Variants in TRPM2 observed in about 807,000 individuals in gnomAD.
TRPM2 encodes estrogen-responsive element-associated gene 1 protein.
A neutral mutation model predicts 174.0 loss-of-function variants in TRPM2; 161 were observed. The observed-to-expected ratio is 0.93, with a 90% CI of 0.81 to 1.05. TRPM2 has a LOEUF of 1.05. Among genes scored for constraint, TRPM2 ranks in the 50% least tolerant of loss-of-function variants. The pLI is 0.00. For synonymous variants in TRPM2, 954 were observed against 861.3 expected (o/e 1.11, Z -1.88); for missense variants, 2,057 against 2,038.0 (o/e 1.01, Z -0.18).
intron 19 of TRPM2, among the ~76,000 whole-genome samples, chr21:44,413,225 T>C (rs1485784187): frequency 1.4e-5 from 2 of 147,338 alleles, no homozygotes; most frequent in Non-Finnish European, 3.0e-5. Context: ...TCCTTTTCAA[T>C]TCTTTTTTTT....
intron 17 of TRPM2, 142 bp downstream of exon 17, chr21:44,405,402 G>T (rs1311005070): frequency 3.1e-6 from 4 of 1,310,980 alleles, no homozygotes. Context: ...TCCAATGGGT[G>T]TCCAGGCAAC....
In TRPM2 at chr21:44,427,069, G is replaced by A. The variant is rs743488; in HGVS notation, c.3932G>A (p.Arg1311Gln). Residue 1311 changes from arginine to glutamine, a missense_variant, in exon 27 of 32, where the codon CGG (arginine) becomes CAG (glutamine). Transcript: ENST00000397928. The part of the protein sequence containing the change: ...YNVVDGLRDR[R>Q]SFHGPYTVQA... ...GTGGTGGATGGCCTGAGGGACCGCC[G>A]GAGCTTCCACGGGCCGTACACAGTG... The A allele has an allele frequency of 1.1e-4, 182 of 1,607,150 alleles. No homozygotes were observed. The highest frequency in any genetic ancestry group is 1.5e-4 in the Non-Finnish European group (173 of 1,177,660).
At chr21:44,392,206 G>C (rs567523852) in intron 11 of TRPM2, among the ~76,000 whole-genome samples, 1 of 150,678 alleles carries the variant, frequency 6.6e-6, no homozygotes, top group Non-Finnish European at 1.5e-5. Flanking sequence ...CAAGTGATCC[G>C]CTCTCCTCAC....
At chr21:44,405,326 G>T (rs2049831180) in intron 17 of TRPM2, 66 bp downstream of exon 17, 2 of 1,594,188 alleles carry the variant, frequency 1.3e-6, no homozygotes, top group Non-Finnish European at 1.7e-6. Context: ...ATGAGCACAG[G>T]CCGGGCCCAG....
chr21:44,422,476 T>A, intron 22 of TRPM2: 2 of 1,522,470 alleles, frequency 1.3e-6, no homozygotes, highest in Non-Finnish European at 1.8e-6. Context: ...TGAAAGGAGA[T>A]GCCCAGGCCT....
intron 17 of TRPM2, 26 bp from the exon 18 acceptor site, chr21:44,405,879 T>A (rs777426423): frequency 2.5e-6 from 4 of 1,595,492 alleles, no homozygotes; most frequent in South Asian, 1.1e-5. Context: ...GTGGCTGAGA[T>A]GTGTGTGCTT....
intron 22 of TRPM2, among the ~76,000 whole-genome samples, chr21:44,420,440 C>T (rs113657419): frequency 5.3e-5 from 8 of 152,196 alleles, no homozygotes; most frequent in African/African-American, 1.7e-4. Flanking sequence ...CTGAGGAAAT[C>T]CTATGCAATT....
chr21:44,414,064 G>A lies in TRPM2; in HGVS notation c.3136G>A (p.Ala1046Thr), dbSNP rs754688559. The change falls in exon 20 of 32, where the codon GCC (alanine) becomes ACC (threonine). Residue 1046 changes from alanine (A) to threonine (T), a missense_variant. Transcript: ENST00000397928. ...TNILLLNLLIAMFNYTFQQVQ... is the reference protein window; with the variant it reads ...TNILLLNLLITMFNYTFQQVQ... ...CATCCTGCTGCTCAACCTCCTCATC[G>A]CCATGTTCAAGTGAGCGCCTGGGTG... is the stretch of plus-strand genomic sequence containing the variant. 3.7e-6 allele frequency: 6 copies of A among 1,611,066 alleles called. No homozygotes were observed. Among genetic ancestry groups the A allele is most frequent in the Non-Finnish European group, 5.1e-6 (6 of 1,179,398 alleles).
At chr21:44,396,874 G>C (rs1325876156) in intron 12 of TRPM2, among the ~76,000 whole-genome samples, 1 of 100,000 alleles carries the variant, frequency 1.0e-5, no homozygotes, top group African/African-American at 4.2e-5. Flanking sequence ...GTGGAGGGCT[G>C]TGGAGGGGTG....
chr21:44,433,523 C>T (rs187595314), intron 27 of TRPM2, among the ~76,000 whole-genome samples: 61 of 152,268 alleles, frequency 4.0e-4, no homozygotes, highest in African/African-American at 1.4e-3. Flanking sequence ...CTGGCAAGGG[C>T]GGGGTGGACG....
chr21:44,376,640 C>T lies in TRPM2; in HGVS notation c.952+627C>T, dbSNP rs1602163028. Among the ~76,000 whole-genome samples, 2 of 152,288 alleles carry T rather than the reference C, an allele frequency of 1.3e-5. No individual in the cohort carries two copies. On this transcript the variant is annotated intron_variant, in intron 6 of 31. Transcript: ENST00000397928. The surrounding 1 kb of genome is among the most constrained non-coding windows in gnomAD (Gnocchi z 4.2). ...ACTTAGGATTTGATACCTTTTTCCT[C>T]ATAGGTGGGATGGGATGGGTTTGAG...
At chr21:44,394,835 T>G (rs2049291912) in intron 11 of TRPM2, among the ~76,000 whole-genome samples, 1 of 152,186 alleles carries the variant, frequency 6.6e-6, no homozygotes, top group South Asian at 2.1e-4. Context: ...GTATGTGATG[T>G]GGGAGATGGT....
Position 44,391,687 on chromosome 21 carries a change from G to C in TRPM2, c.1794+62G>C. On this transcript the variant is annotated intron_variant, in intron 11 of 31. Transcript: ENST00000397928. This position sits in a 1 kb window ranked among gnomAD's most constrained non-coding sequence, Gnocchi z 5.0. ...TTCGCGGGCTACTGCTATGTTCTTAGAGCTCTCTGTTTTTAAAATTAGCTT... is the reference window on the plus strand; with the variant it reads ...TTCGCGGGCTACTGCTATGTTCTTACAGCTCTCTGTTTTTAAAATTAGCTT... 7.2e-7 allele frequency: 1 copy of C among 1,387,284 alleles called. No individual in the cohort carries two copies. Among genetic ancestry groups the C allele is most frequent in the Non-Finnish European group, 9.6e-7 (1 of 1,038,328 alleles). The allele number at this position is 1,387,284 out of a possible 1,614,324, so 85.9% of individuals were successfully genotyped here. A position where few individuals can be genotyped will look rare whatever the true frequency, so the allele number is the denominator to read the frequency against.
chr21:44,409,487 A>G (rs1165583180), intron 19 of TRPM2, among the ~76,000 whole-genome samples: 1 of 152,030 alleles, frequency 6.6e-6, no homozygotes, highest in Non-Finnish European at 1.5e-5. Flanking sequence ...ATAGCCTTGT[A>G]GTAAGTTTTG....
In TRPM2 at chr21:44,432,655, C is replaced by T. The variant is rs1350586936; in HGVS notation, c.3975-2476C>T. On this transcript the variant is annotated intron_variant, in intron 27 of 31. Transcript: ENST00000397928. This position sits in a 1 kb window ranked among gnomAD's most constrained non-coding sequence, Gnocchi z 4.9. Reference sequence around the variant, plus strand: ...CCTGCCAACATAAACTAAACAAGCCCCTGCCCGCAAGTCCCTTCCTCTTTC... The same window carrying T: ...CCTGCCAACATAAACTAAACAAGCCTCTGCCCGCAAGTCCCTTCCTCTTTC... 6.6e-6 allele frequency among the ~76,000 whole-genome samples: 1 copy of T among 152,166 alleles called. No homozygotes were observed. Among genetic ancestry groups the T allele is most frequent in the Non-Finnish European group, 1.5e-5 (1 of 68,028 alleles).
chr21:44,371,122 C>A (rs1321725175), intron 5 of TRPM2, among the ~76,000 whole-genome samples: 1 of 152,248 alleles, frequency 6.6e-6, no homozygotes, highest in African/African-American at 2.4e-5. Context: ...GGGCCACCTC[C>A]CTCTAGGGCC....
At chr21:44,351,239 C>G (rs2122996806), upstream of TRPM2, among the ~76,000 whole-genome samples, 50 of 152,292 alleles carry the variant, frequency 3.3e-4, 1 homozygote, top group Middle Eastern at 0.01. Context: ...TGAATTCGGC[C>G]TAGGTGATGG....
intron 22 of TRPM2, chr21:44,422,355 G>A (rs375764253): frequency 1.0e-5 from 16 of 1,536,010 alleles, no homozygotes; most frequent in South Asian, 8.3e-5. Flanking sequence ...GGAATCACGC[G>A]GGTCCGAGAA....
Position 44,414,034 on chromosome 21 carries a change from A to G in TRPM2, c.3106A>G (p.Thr1036Ala). The change falls in exon 20 of 32, where the codon ACC (threonine) becomes GCC (alanine). Residue 1036 changes from threonine (T) to alanine (A), a missense_variant. Transcript: ENST00000397928. ...CCTACTCTGCCTCTACCTGCTCTTC[A>G]CCAACATCCTGCTGCTCAACCTCCT... is the stretch of plus-strand genomic sequence containing the variant. ...VLLLCLYLLF[T>A]NILLLNLLIA... 1 of 1,612,044 alleles carries G rather than the reference A, an allele frequency of 6.2e-7. No individual in the cohort carries two copies. Among genetic ancestry groups the G allele is most frequent in the Non-Finnish European group, 8.5e-7 (1 of 1,179,506 alleles).
Sources: allele counts gnomAD v4.1 joint callset (sites outside exome capture counted in the v4.1 genomes callset), GRCh38; gene constraint gnomAD v4.1.1; non-coding constraint Gnocchi (gnomAD v3.1); transcripts MANE v1.5; gene names NCBI Gene and HGNC (gene_info 2026-07-23, HGNC 2026-07-21).